REV3L: variants seen among roughly 807,000 people sequenced by gnomAD.
REV3L encodes DNA polymerase zeta catalytic subunit.
REV3L carries 69 observed loss-of-function variants against 299.4 expected under a neutral mutation model. The observed-to-expected ratio is 0.23, with a 90% CI of 0.19 to 0.28. REV3L has a LOEUF of 0.28. Among genes scored for constraint, REV3L ranks in the 10% least tolerant of loss-of-function variants. The pLI is 1.00. For synonymous variants in REV3L, 1,238 were observed against 1,271.4 expected (o/e 0.97, Z 0.56); for missense variants, 3,128 against 3,693.8 (o/e 0.85, Z 3.97).
chr6:111,391,801 A>G (rs1245016358), intron 5 of REV3L, among the ~76,000 whole-genome samples: 1 of 152,102 alleles, frequency 6.6e-6, no homozygotes, highest in African/African-American at 2.4e-5. Flanking sequence ...GAGGCTGAGC[A>G]TTATAGTAAG....
At chr6:111,443,293 C>T (rs961238851) in intron 1 of REV3L, among the ~76,000 whole-genome samples, 2 of 151,990 alleles carry the variant, frequency 1.3e-5, no homozygotes, top group African/African-American at 2.4e-5. Context: ...GGACTACAGG[C>T]GCCGCCACCT....
intron 4 of REV3L, among the ~76,000 whole-genome samples, chr6:111,394,837 G>C (rs1487652124): frequency 6.6e-6 from 1 of 151,610 alleles, no homozygotes; most frequent in Non-Finnish European, 1.5e-5. Flanking sequence ...CAAGCTGCTG[G>C]GGCAACAGGC....
chr6:111,414,647 T>C (rs539189497), intron 2 of REV3L, among the ~76,000 whole-genome samples: 1 of 152,146 alleles, frequency 6.6e-6, no homozygotes, highest in Non-Finnish European at 1.5e-5. Context: ...CCACTTGGAT[T>C]TCATATGGAC....
chr6:111,374,881 C>G lies in REV3L; in HGVS notation c.3474G>C (p.Lys1158Asn), dbSNP rs147093826. The G allele has an allele frequency of 1.1e-4, 181 of 1,613,782 alleles. No homozygotes were observed. In the African/African-American group the frequency reaches 2.1e-3, roughly 18 times the overall value. ...TTTTTCCTATACGAGAATTAACAGT[C>G]TTCTTATATACATTAGGACCCTTAA... The part of the protein sequence containing the change: ...MLFKGPNVYK[K>N]TVNSRIGKTS... Residue 1158 changes from lysine to asparagine, a missense_variant, in exon 13 of 32, where the codon AAG becomes AAC. By Grantham distance (94) the Lys-to-Asn change is moderately conservative (BLOSUM62 0). This residue lies in a region of REV3L where 2,409 missense variants were observed against 2,611.8 expected (regional missense o/e 0.92). Transcript: ENST00000368802.
intron 1 of REV3L, among the ~76,000 whole-genome samples, chr6:111,475,304 A>C (rs1792806049): frequency 6.6e-6 from 1 of 152,240 alleles, no homozygotes; most frequent in East Asian, 1.9e-4. Context: ...TGCAGTAACA[A>C]ATAATGCTGC....
At chr6:111,403,246 T>G (rs903969120) in intron 4 of REV3L, among the ~76,000 whole-genome samples, 4 of 152,134 alleles carry the variant, frequency 2.6e-5, no homozygotes. Flanking sequence ...ATGGGAAGCT[T>G]GGGGGTGACT....
chr6:111,329,770 C>T, intron 24 of REV3L, 32 bp from the exon 25 acceptor site: 5 of 1,481,672 alleles, frequency 3.4e-6, no homozygotes, highest in Non-Finnish European at 4.7e-6. Flanking sequence ...TTTAAAACCC[C>T]TCAAACATTA....
intron 28 of REV3L, 56 bp from the exon 29 acceptor site, chr6:111,311,315 C>A (rs1043947898): frequency 7.4e-7 from 1 of 1,356,530 alleles, no homozygotes; most frequent in Admixed American, 2.1e-5. Context: ...TATGTTTCAC[C>A]ATTGTTATTA....
At chr6:111,405,284 A>G (rs972765015) in intron 4 of REV3L, 186 bp downstream of exon 4, 12 of 427,458 alleles carry the variant, frequency 2.8e-5, no homozygotes, top group African/African-American at 2.5e-4. Context: ...GTTACCAAAA[A>G]AAATTTTTTC....
At chr6:111,422,853 T>C (rs1274910463) in intron 1 of REV3L, among the ~76,000 whole-genome samples, 1 of 151,430 alleles carries the variant, frequency 6.6e-6, no homozygotes, top group Non-Finnish European at 1.5e-5. Flanking sequence ...AATAATACTT[T>C]GGAGTTTCAA....
Position 111,347,210 on chromosome 6 carries a change from G to A in REV3L, c.7419+2008C>T, listed in dbSNP as rs143992805. 3.0e-3 allele frequency among the ~76,000 whole-genome samples: 451 copies of A among 152,014 alleles called. 6 individuals carry two copies. The East Asian group carries it at 0.059, about 20-fold the overall frequency. On this transcript the variant is annotated intron_variant, in intron 20 of 31. Coordinates refer to ENST00000368802, the MANE Select transcript of REV3L (RefSeq NM_001372078.1). ...CTTGAACCCAGGAGGCGGAGGTTGC[G>A]GTGAGCCGAGACTGCACCACTGCAC...
At chr6:111,401,365 A>G (rs1376565533) in intron 4 of REV3L, among the ~76,000 whole-genome samples, 1 of 152,186 alleles carries the variant, frequency 6.6e-6, no homozygotes, top group Non-Finnish European at 1.5e-5. Context: ...ATGGAGAAAA[A>G]GCCAAGCCTA....
intron 21 of REV3L, among the ~76,000 whole-genome samples, chr6:111,342,337 G>C (rs1052340754): frequency 1.3e-5 from 2 of 152,132 alleles, no homozygotes; most frequent in African/African-American, 2.4e-5. Flanking sequence ...TGTTGCCTCT[G>C]TGGGAAGAGC....
intron 1 of REV3L, among the ~76,000 whole-genome samples, chr6:111,464,945 T>C (rs928259178): frequency 6.6e-6 from 1 of 151,852 alleles, no homozygotes; most frequent in Non-Finnish European, 1.5e-5. Context: ...GAGGCTGCAG[T>C]GAGCCACGAT....
chr6:111,337,410 A>G (rs184049282), intron 21 of REV3L, among the ~76,000 whole-genome samples: 2 of 152,282 alleles, frequency 1.3e-5, no homozygotes, highest in South Asian at 2.1e-4. Flanking sequence ...GTAGCTATCG[A>G]GCGTGCTATT....
intron 26 of REV3L, 186 bp from the exon 27 acceptor site, chr6:111,315,567 T>G (rs1773431289): frequency 3.5e-6 from 2 of 570,984 alleles, no homozygotes; most frequent in Non-Finnish European, 3.1e-6. Context: ...TACTTATATC[T>G]TGTTACAAAT....
intron 1 of REV3L, among the ~76,000 whole-genome samples, chr6:111,465,317 G>A (rs1791319847): frequency 6.6e-6 from 1 of 151,350 alleles, no homozygotes; most frequent in East Asian, 2.0e-4. Flanking sequence ...CTGACCTCAG[G>A]TGATCCACCT....
At chr6:111,357,230 T>G (rs1001378537) in intron 17 of REV3L, 105 bp from the exon 18 acceptor site, 1 of 370,710 alleles carries the variant, frequency 2.7e-6, no homozygotes, top group African/African-American at 2.1e-5. Flanking sequence ...ATTGTACTAC[T>G]GAAATATTTC....
At chr6:111,306,465 T>TG (rs961736333) in intron 31 of REV3L, among the ~76,000 whole-genome samples, 2 of 152,128 alleles carry the variant, frequency 1.3e-5, no homozygotes, top group African/African-American at 4.8e-5. Flanking sequence ...ATGATTTTAT[T>TG]GGGGGGTGCG....
Sources: allele counts gnomAD v4.1 joint callset (sites outside exome capture counted in the v4.1 genomes callset), GRCh38; gene constraint gnomAD v4.1.1; regional missense constraint gnomAD v4.1.1; transcripts MANE v1.5; gene names NCBI Gene and HGNC (gene_info 2026-07-23, HGNC 2026-07-21).